Variants in ANKRD54 observed in about 807,000 individuals in gnomAD.
ANKRD54 encodes ankyrin repeat domain 54, also known as ankyrin repeat domain-containing protein 54.
ANKRD54 carries 26 observed loss-of-function variants against 36.2 expected under a neutral mutation model. That is an observed-to-expected ratio of 0.72 (90% confidence interval 0.53 to 1.00). The LOEUF (loss-of-function observed/expected upper bound fraction) is 1.00, where lower values mean the gene tolerates loss of function less well. ANKRD54 is among the 50% of genes least tolerant of loss of function. The probability of loss-of-function intolerance (pLI) is 0.00; values close to 1 mark genes in which losing one functional copy is unlikely to be tolerated. For synonymous variants in ANKRD54, 209 were observed against 188.4 expected (o/e 1.11, Z -0.89); for missense variants, 384 against 424.3 (o/e 0.91, Z 0.83).
upstream of ANKRD54, chr22:37,847,736 T>G (rs557855135): frequency 2.3e-6 from 1 of 436,812 alleles, no homozygotes; most frequent in African/African-American, 2.1e-5. Flanking sequence ...GACTCTTCCT[T>G]GGTTCAGGGA....
chr22:37,847,238 C>A (rs1924889498), upstream of ANKRD54, among the ~76,000 whole-genome samples: 1 of 151,710 alleles, frequency 6.6e-6, no homozygotes, highest in African/African-American at 2.4e-5. Flanking sequence ...TCTTGGCTCA[C>A]CACAACCTCC....
Position 37,844,252 on chromosome 22 carries a change from C to A in ANKRD54, c.-14G>T. 3 of 1,545,976 alleles carry A rather than the reference C, an allele frequency of 1.9e-6. No homozygotes were observed. The highest frequency in any genetic ancestry group is 2.6e-5 in the East Asian group (1 of 38,698). On this transcript the variant is annotated 5_prime_UTR_variant, in exon 1 of 8. Coordinates refer to ENST00000215941, the MANE Select transcript of ANKRD54 (RefSeq NM_138797.4). ...GGCGGCTGCCATGGCAACGGCTCCG[C>A]GCGGGCCTGGCCGCCTGAGCCTCGT...
At chr22:37,844,393 CA>C, upstream of ANKRD54, 1 of 767,530 alleles carries the variant, frequency 1.3e-6, no homozygotes, top group South Asian at 2.1e-5. Context: ...CAGGCCGAGA[CA>C]GAGCGGCGAA....
At chr22:37,846,371 T>C (rs1601744930), upstream of ANKRD54, among the ~76,000 whole-genome samples, 1 of 152,068 alleles carries the variant, frequency 6.6e-6, no homozygotes, top group Non-Finnish European at 1.5e-5. Context: ...CAGGCTGGAG[T>C]GCAGTGGTGT....
intron 3 of ANKRD54, 114 bp downstream of exon 3, chr22:37,838,379 CTTCCTTA>C: frequency 1.0e-6 from 1 of 973,038 alleles, no homozygotes; most frequent in Non-Finnish European, 1.5e-6. Context: ...AGTGCCAAGT[CTTCCTTA>C]TATCCAGAAC....
Position 37,844,260 on chromosome 22 carries a change from T to A in ANKRD54, c.-22A>T. ...CCATGGCAACGGCTCCGCGCGGGCC[T>A]GGCCGCCTGAGCCTCGTTCCCGACC... On this transcript the variant is annotated 5_prime_UTR_variant, in exon 1 of 8. Coordinates refer to ENST00000215941, the MANE Select transcript of ANKRD54 (RefSeq NM_138797.4). 12 of 1,544,078 alleles carry A rather than the reference T, an allele frequency of 7.8e-6. No individual in the cohort carries two copies. Among genetic ancestry groups the A allele is most frequent in the Non-Finnish European group, 1.0e-5 (12 of 1,154,096 alleles).
Position 37,833,883 on chromosome 22 carries a change from C to CTTCA in ANKRD54, c.476-132_476-129dup, listed in dbSNP as rs1923208241. On this transcript the variant is annotated intron_variant, in intron 3 of 7. Coordinates refer to ENST00000215941, the MANE Select transcript of ANKRD54 (RefSeq NM_138797.4). ...AATGCAAGCATGGATGGCTGTGTTA[C>CTTCA]TTCATTCATTCACTCACTCACTCAC... 7.7e-6 allele frequency: 6 copies of CTTCA among 777,412 alleles called. No homozygotes were observed. The Middle Eastern group carries it at 1.5e-3, about 190-fold the overall frequency. The allele number at this position is 777,412 out of a possible 1,614,324, so 48.2% of individuals were successfully genotyped here.
chr22:37,843,804 C>A, intron 1 of ANKRD54, 107 bp downstream of exon 1: 2 of 829,290 alleles, frequency 2.4e-6, no homozygotes, highest in African/African-American at 3.6e-5. Context: ...TCGGGGGACC[C>A]CGGCTGAGGG....
At chr22:37,846,156 C>G (rs143572049), upstream of ANKRD54, among the ~76,000 whole-genome samples, 285 of 151,848 alleles carry the variant, frequency 1.9e-3, 1 homozygote, top group African/African-American at 6.5e-3. Context: ...GTCTGGGCGA[C>G]AGAGAAAGAC....
upstream of ANKRD54, among the ~76,000 whole-genome samples, chr22:37,845,779 G>A (rs1349969671): frequency 2.6e-5 from 4 of 152,190 alleles, no homozygotes; most frequent in Non-Finnish European, 5.9e-5. Flanking sequence ...TGAGGCAGGA[G>A]AGTAGCTTGA....
chr22:37,847,964 TG>T (rs987685879), upstream of ANKRD54, among the ~76,000 whole-genome samples: 5 of 151,006 alleles, frequency 3.3e-5, no homozygotes, highest in African/African-American at 1.2e-4. Context: ...GGAATGGGAG[TG>T]GGGGTGCCAC....
chr22:37,833,978 C>T, intron 3 of ANKRD54: 1 of 540,870 alleles, frequency 1.8e-6, no homozygotes, highest in Non-Finnish European at 3.4e-6. Flanking sequence ...GCCTCTTGGC[C>T]TATGCAGGTG....
chr22:37,848,316 C>G (rs1924956647), upstream of ANKRD54: 1 of 152,304 alleles, frequency 6.6e-6, no homozygotes, highest in Non-Finnish European at 1.5e-5. Context: ...TCATCTTTGC[C>G]TGCTCCAACT....
At chr22:37,846,410 C>T (rs1315042706), upstream of ANKRD54, among the ~76,000 whole-genome samples, 1 of 152,174 alleles carries the variant, frequency 6.6e-6, no homozygotes, top group East Asian at 1.9e-4. Context: ...TCAAGCTTTC[C>T]TCCCACCTCA....
In ANKRD54 at chr22:37,833,083, C is replaced by T. The variant is rs1183015687; in HGVS notation, c.596-1G>A. On this transcript the variant is annotated splice_acceptor_variant, in intron 5 of 7. Transcript: ENST00000215941. LOFTEE classifies it high-confidence loss of function. The stretch of plus-strand genomic sequence containing the variant: ...CGGTCCAGGGCATCTACACGGGCCC[C>T]TGCAGGTACCAGCTGAGGTGAGCAT... 1 of 1,614,014 alleles carries T rather than the reference C, an allele frequency of 6.2e-7. No individual in the cohort carries two copies. Among genetic ancestry groups the T allele is most frequent in the African/African-American group, 1.3e-5 (1 of 74,926 alleles).
upstream of ANKRD54, chr22:37,844,435 C>T (rs978766524): frequency 3.7e-6 from 2 of 533,676 alleles, no homozygotes; most frequent in African/African-American, 2.0e-5. Flanking sequence ...TTAAACCGGT[C>T]CCAAAACCAA....
chr22:37,833,892 T>TTCAC lies in ANKRD54; in HGVS notation c.476-141_476-138dup, dbSNP rs1382755386. The TTCAC allele has an allele frequency of 6.8e-6, 5 of 732,412 alleles. No homozygotes were observed. The African/African-American group carries it at 6.9e-5, about 10-fold the overall frequency. The allele number at this position is 732,412 out of a possible 1,614,324, so 45.4% of individuals were successfully genotyped here. A position where few individuals can be genotyped will look rare whatever the true frequency, so the allele number is the denominator to read the frequency against. ...ATGGATGGCTGTGTTACTTCATTCATTCACTCACTCACTCACTTACTTACC... is the reference window on the plus strand; with the variant it reads ...ATGGATGGCTGTGTTACTTCATTCATTCACTCACTCACTCACTCACTTACTTACC... On this transcript the variant is annotated intron_variant, in intron 3 of 7. Coordinates refer to ENST00000215941, the MANE Select transcript of ANKRD54 (RefSeq NM_138797.4).
upstream of ANKRD54, among the ~76,000 whole-genome samples, chr22:37,846,967 C>T (rs1030833753): frequency 1.2e-4 from 18 of 150,786 alleles, no homozygotes; most frequent in African/African-American, 4.4e-4. Flanking sequence ...CATTCTCCTG[C>T]CTCAGCCTCC....
chr22:37,841,489 G>A (rs1297056107), intron 1 of ANKRD54, among the ~76,000 whole-genome samples: 1 of 151,346 alleles, frequency 6.6e-6, no homozygotes, highest in Non-Finnish European at 1.5e-5. Context: ...CTGTGCCACT[G>A]TACTCCAGCT....
Sources: allele counts gnomAD v4.1 joint callset (sites outside exome capture counted in the v4.1 genomes callset), GRCh38; gene constraint gnomAD v4.1.1; transcripts MANE v1.5; gene names NCBI Gene and HGNC (gene_info 2026-07-23, HGNC 2026-07-21).